The following TARS1 variants were observed in gnomAD, a reference collection of about 807,000 sequenced individuals.
TARS1 encodes threonine--tRNA ligase 1, cytoplasmic.
Under a neutral mutation model 97.7 loss-of-function variants are expected in TARS1, and 57 were observed. The ratio of observed to expected loss-of-function variants is 0.58; its 90% CI spans 0.47 to 0.73. The LOEUF is 0.73. Among genes scored for constraint, TARS1 ranks in the 30% least tolerant of loss-of-function variants. TARS1 has a pLI of 0.00. For synonymous variants in TARS1, 312 were observed against 293.7 expected, an observed-to-expected ratio of 1.06 and a Z score of -0.64; for missense variants, 806 against 888.3, an observed-to-expected ratio of 0.91 and a Z score of 1.18.
chr5:33,452,642 C>T (rs1285950144), intron 3 of TARS1, among the ~76,000 whole-genome samples: 2 of 151,952 alleles, frequency 1.3e-5, no homozygotes, highest in Admixed American at 6.6e-5. Context: ...TTCATTTTAC[C>T]TCTATATTTG....
intron 6 of TARS1, 108 bp from the exon 7 acceptor site, chr5:33,455,894 C>A (rs938177862): frequency 9.7e-7 from 1 of 1,036,026 alleles, no homozygotes. Flanking sequence ...GTTTTTAAAA[C>A]ATGAAGTATC....
intron 3 of TARS1, among the ~76,000 whole-genome samples, chr5:33,450,267 A>C (rs72737345): frequency 0.016 from 2,432 of 152,306 alleles, 34 homozygotes; most frequent in Admixed American, 0.035. Context: ...CACCATATGA[A>C]TTGTCATGTG....
intron 9 of TARS1, among the ~76,000 whole-genome samples, chr5:33,458,003 G>A (rs1742110711): frequency 6.6e-6 from 1 of 152,178 alleles, no homozygotes; most frequent in South Asian, 2.1e-4. Context: ...TTCCAGCTAT[G>A]AGGCAGCCAG....
chr5:33,450,031 T>C (rs1328328131), intron 3 of TARS1, among the ~76,000 whole-genome samples: 1 of 152,172 alleles, frequency 6.6e-6, no homozygotes, highest in African/African-American at 2.4e-5. Flanking sequence ...TCTTAACACA[T>C]ACGAGAAGTA....
At chr5:33,448,487 A>G in intron 2 of TARS1, 54 bp from the exon 3 acceptor site, 1 of 1,361,548 alleles carries the variant, frequency 7.3e-7, no homozygotes, top group Non-Finnish European at 9.9e-7. Flanking sequence ...ATTTCTAAAT[A>G]GGAAAGCAAT....
At position 33,466,880 on chromosome 5, in the gene TARS1, C is replaced by G. The variant is rs1454226466; in HGVS notation, c.1918C>G (p.Gln640Glu). ...ATCTCTGTTACAATAGGTACGACAA[C>G]AATTCCACGATGCCAAATTCATGGC... ...CDEYAQKVRQQFHDAKFMADI... is the reference protein window; with the variant it reads ...CDEYAQKVRQEFHDAKFMADI... The change falls in exon 18 of 19, where the codon CAA becomes GAA. Residue 640 changes from glutamine to glutamate, a missense_variant. Around this residue, in one of 3 missense-constraint regions of TARS1, gnomAD observed 446 missense variants for 511.0 expected, o/e 0.87. Coordinates refer to ENST00000265112, the MANE Select transcript of TARS1 (RefSeq NM_152295.5). 6.3e-7 allele frequency: 1 copy of G among 1,596,324 alleles called. No individual in the cohort carries two copies. The highest frequency in any genetic ancestry group is 1.8e-5 in the Admixed American group (1 of 56,828).
At chr5:33,450,442 C>T (rs906023358) in intron 3 of TARS1, among the ~76,000 whole-genome samples, 3 of 152,178 alleles carry the variant, frequency 2.0e-5, no homozygotes, top group East Asian at 1.9e-4. Flanking sequence ...GTACCACAGA[C>T]ATTAGTTAGT....
At position 33,467,791 on chromosome 5, in the gene TARS1, T is replaced by A. The variant is rs1561081837; in HGVS notation, c.*83T>A. On this transcript the variant is annotated 3_prime_UTR_variant, in exon 19 of 19. Coordinates refer to ENST00000265112, the MANE Select transcript of TARS1 (RefSeq NM_152295.5). ...TGACTTTGTACTCTGAAAACGTCAA[T>A]TTATATTGAACTTGGAGGAGTTTGG... 1 of 1,461,380 alleles carries A rather than the reference T, an allele frequency of 6.8e-7. No homozygotes were observed. The highest frequency in any genetic ancestry group is 2.4e-5 in the East Asian group (1 of 41,086). The allele number at this position is 1,461,380 out of a possible 1,614,324, so 90.5% of individuals were successfully genotyped here.
Position 33,467,656 on chromosome 5 carries a change from G to A in TARS1, c.2120G>A (p.Arg707Gln), listed in dbSNP as rs751721077. The A allele has an allele frequency of 2.9e-5, 46 of 1,613,650 alleles. No individual in the cohort carries two copies. The highest frequency in any genetic ancestry group is 1.6e-4 in the Middle Eastern group (1 of 6,084). ...GERTISETIE[R>Q]LQQLKEFRSK... ...CGCACCATTTCTGAAACTATCGAGC[G>A]GCTACAGCAGCTCAAAGAGTTCCGC... Residue 707 changes from arginine to glutamine, a missense_variant, in exon 19 of 19, where the codon CGG (arginine) becomes CAG (glutamine). By Grantham distance (43) the Arg-to-Gln change is conservative. Transcript: ENST00000265112.
chr5:33,457,030 C>T (rs1267373359), intron 8 of TARS1, among the ~76,000 whole-genome samples: 1 of 152,104 alleles, frequency 6.6e-6, no homozygotes, highest in Non-Finnish European at 1.5e-5. Context: ...AACTCCCAGG[C>T]TCAAGCAATC....
Position 33,448,529 on chromosome 5 carries a change from G to A in TARS1, c.139-12G>A, listed in dbSNP as rs759719182. The stretch of plus-strand genomic sequence containing the variant: ...TGATCATTTATTTCCTGATTTGTTT[G>A]TTGTCTTGCAGTTGAATCCTTGGCC... On this transcript the variant is annotated splice_polypyrimidine_tract_variant and intron_variant, in intron 2 of 18. Coordinates refer to ENST00000265112, the MANE Select transcript of TARS1 (RefSeq NM_152295.5). 1 of 1,544,480 alleles carries A rather than the reference G, an allele frequency of 6.5e-7. No homozygotes were observed. The highest frequency in any genetic ancestry group is 2.4e-5 in the East Asian group (1 of 42,254).
At chr5:33,456,292 C>T (rs1300548823) in intron 8 of TARS1, 65 bp downstream of exon 8, 8 of 1,271,002 alleles carry the variant, frequency 6.3e-6, no homozygotes, top group Admixed American at 4.3e-5. Flanking sequence ...TTTAAACTTT[C>T]ACTGATTTCT....
chr5:33,451,099 G>T (rs1561071082), intron 3 of TARS1, among the ~76,000 whole-genome samples: 1 of 152,158 alleles, frequency 6.6e-6, no homozygotes, highest in Non-Finnish European at 1.5e-5. Context: ...TGGTGACAGA[G>T]CGAGAGTCCG....
At chr5:33,442,751 G>A (rs1051284633) in intron 1 of TARS1, among the ~76,000 whole-genome samples, 1 of 149,332 alleles carries the variant, frequency 6.7e-6, no homozygotes, top group African/African-American at 2.6e-5. Context: ...TGATCCGCCC[G>A]TCTCGGCCTC....
At chr5:33,461,574 A>T in intron 13 of TARS1, 93 bp from the exon 14 acceptor site, 2 of 1,268,734 alleles carry the variant, frequency 1.6e-6, no homozygotes, top group Non-Finnish European at 2.2e-6. Flanking sequence ...ATATTGATCT[A>T]TGAAAGTAAT....
chr5:33,461,250 G>A lies in TARS1; in HGVS notation c.1506G>A (p.Pro502=), dbSNP rs2270905. ...TTAAACTAAACCTTTCTACTCGCCC[G>A]GAAAAATTCCTTGGAGATATCGAAG... The part of the protein sequence containing the change: ...FSFKLNLSTR[P]EKFLGDIEVW... The change falls in exon 13 of 19, where the codon CCG becomes CCA. Residue 502 remains proline (P), a synonymous_variant. Transcript: ENST00000265112. 322,431 of 1,613,224 alleles carry A rather than the reference G, an allele frequency of 0.2. 33,956 individuals are homozygous for A. The highest frequency in any genetic ancestry group is 0.22 in the Non-Finnish European group (258,061 of 1,179,676).
At chr5:33,467,278 A>C (rs1742572142) in intron 18 of TARS1, among the ~76,000 whole-genome samples, 3 of 152,152 alleles carry the variant, frequency 2.0e-5, no homozygotes, top group Admixed American at 2.0e-4. Flanking sequence ...TACTTTCTCA[A>C]GATAATGCCT....
chr5:33,448,814 A>T (rs1223464836), intron 3 of TARS1, 83 bp downstream of exon 3: 1 of 1,145,384 alleles, frequency 8.7e-7, no homozygotes, highest in African/African-American at 1.6e-5. Context: ...TTTTATTCTT[A>T]TAATATTTTT....
In TARS1 at chr5:33,466,948, T is replaced by G; in HGVS notation, c.1986T>G (p.Ile662Met). 1 of 1,605,784 alleles carries G rather than the reference T, an allele frequency of 6.2e-7. No individual in the cohort carries two copies. The highest frequency in any genetic ancestry group is 8.5e-7 in the Non-Finnish European group (1 of 1,176,398). ...CAGGCTGTACATTGAATAAAAAGAT[T>G]CGAAATGCACAGTTAGCACAGTATA... ...LDPGCTLNKK[I>M]RNAQLAQYNF... The change falls in exon 18 of 19, where the codon ATT becomes ATG. Residue 662 changes from isoleucine (I) to methionine (M), a missense_variant. Around this residue, in one of 3 missense-constraint regions of TARS1, gnomAD observed 446 missense variants for 511.0 expected, o/e 0.87. Transcript: ENST00000265112.
Sources: gnomAD v4.1 joint callset for allele counts (sites outside exome capture counted in the v4.1 genomes callset) on GRCh38, gnomAD v4.1.1 for gene constraint, gnomAD v4.1.1 regional missense constraint, MANE v1.5 for transcripts, NCBI Gene and HGNC (gene_info 2026-07-23, HGNC 2026-07-21) for gene names.